Variants in RPL35A observed in about 807,000 individuals in gnomAD.
RPL35A encodes the protein large ribosomal subunit protein eL33.
Under a neutral mutation model 16.7 loss-of-function variants are expected in RPL35A, and 1 was observed. The observed-to-expected ratio is 0.06, with a 90% confidence interval of 0.02 to 0.28. The LOEUF (loss-of-function observed/expected upper bound fraction) is 0.28. RPL35A is among the 10% of genes least tolerant of loss of function. The pLI is 1.00. For synonymous variants in RPL35A, 58 were observed against 47.0 expected (o/e 1.23, Z -0.96); for missense variants, 91 against 138.7 (o/e 0.66, Z 1.73).
chr3:197,952,809 C>A (rs1720221672), intron 3 of RPL35A, among the ~76,000 whole-genome samples: 2 of 151,832 alleles, frequency 1.3e-5, no homozygotes, highest in South Asian at 4.2e-4. Context: ...AGTTTTTATG[C>A]ATGCCTAAAG....
chr3:197,956,250 GC>G lies in RPL35A; in HGVS notation c.*479del, dbSNP rs1720514744. On this transcript the variant is annotated 3_prime_UTR_variant, in exon 5 of 5. Transcript: ENST00000647248. ...GATACAGTTATGAGCCACCACACCTGCCAAGTGCTTTGTGATACTATGCATT... is the reference window on the plus strand; with the variant it reads ...GATACAGTTATGAGCCACCACACCTGCAAGTGCTTTGTGATACTATGCATT... The G allele has an allele frequency of 5.5e-6, 1 of 181,216 alleles. No individual in the cohort carries two copies. Among genetic ancestry groups the G allele is most frequent in the African/African-American group, 2.4e-5 (1 of 42,448 alleles). The allele number at this position is 181,216 out of a possible 1,614,324, so 11.2% of individuals were successfully genotyped here.
At chr3:197,953,172 T>C (rs1233914264) in intron 3 of RPL35A, among the ~76,000 whole-genome samples, 1 of 152,202 alleles carries the variant, frequency 6.6e-6, no homozygotes, top group Non-Finnish European at 1.5e-5. Context: ...TCTGGGAAAG[T>C]GTTTTAATCA....
intron 4 of RPL35A, among the ~76,000 whole-genome samples, chr3:197,954,884 C>G (rs546665426): frequency 6.6e-6 from 1 of 152,146 alleles, no homozygotes; most frequent in Non-Finnish European, 1.5e-5. Flanking sequence ...TCAACAGTTA[C>G]GCCTGGCATA....
intron 4 of RPL35A, chr3:197,954,437 A>G (rs916724214): frequency 1.3e-5 from 6 of 445,122 alleles, no homozygotes; most frequent in Non-Finnish European, 2.5e-5. Context: ...GGGTTCAAGC[A>G]ATCCTTCCAC....
Position 197,956,381 on chromosome 3 carries a change from A to G in RPL35A, c.*608A>G, listed in dbSNP as rs553802279. Reference sequence around the variant, plus strand: ...GGATGAGAAGCTCTTGGGACTTGTGACTGGACAAAGCATTCCAGTATATTA... The same window carrying G: ...GGATGAGAAGCTCTTGGGACTTGTGGCTGGACAAAGCATTCCAGTATATTA... On this transcript the variant is annotated 3_prime_UTR_variant, in exon 5 of 5. Transcript: ENST00000647248. 2.6e-5 allele frequency: 4 copies of G among 154,862 alleles called. No individual in the cohort carries two copies. The highest frequency in any genetic ancestry group is 9.6e-5 in the African/African-American group (4 of 41,542). The allele number at this position is 154,862 out of a possible 1,614,324, so 9.6% of individuals were successfully genotyped here. A position where few individuals can be genotyped will look rare whatever the true frequency, so the allele number is the denominator to read the frequency against.
rs200360699 is a variant in RPL35A at position 197,955,730 on chromosome 3, G to C, written c.310-20G>C. On this transcript the variant is annotated intron_variant, in intron 4 of 4. Coordinates refer to ENST00000647248, the MANE Select transcript of RPL35A (RefSeq NM_000996.4). ...ATATATAACATTCACCTAATGTTTT[G>C]TGTTCTTTTTTCCCTGCAGATGCTG... 8.1e-5 allele frequency: 128 copies of C among 1,589,582 alleles called. No homozygotes were observed. Among genetic ancestry groups the C allele is most frequent in the Non-Finnish European group, 1.0e-4 (119 of 1,159,406 alleles).
At position 197,951,459 on chromosome 3, in the gene RPL35A, T is replaced by C. The variant is rs1720076166; in HGVS notation, c.164+148T>C. The C allele has an allele frequency of 7.1e-6, 6 of 840,174 alleles. No homozygotes were observed. The Admixed American group carries it at 9.8e-5, about 14-fold the overall frequency. 52.0% of individuals were successfully genotyped at this position (840,174 alleles called of 1,614,324 possible). On this transcript the variant is annotated intron_variant, in intron 3 of 4. Coordinates refer to ENST00000647248, the MANE Select transcript of RPL35A (RefSeq NM_000996.4). Reference sequence around the variant, plus strand: ...CCTCCGCCTCCCGGGTTCAAGCAAGTGTCCTGTCTCAGCCTCCCGAGTAGC... The same window carrying C: ...CCTCCGCCTCCCGGGTTCAAGCAAGCGTCCTGTCTCAGCCTCCCGAGTAGC...
chr3:197,952,039 T>C (rs957669669), intron 3 of RPL35A, among the ~76,000 whole-genome samples: 2 of 152,166 alleles, frequency 1.3e-5, no homozygotes, highest in Non-Finnish European at 2.9e-5. Context: ...ATAAAGGAGG[T>C]AATTCCTTAT....
At chr3:197,950,261 A>G in intron 1 of RPL35A, 40 bp downstream of exon 1, 2 of 1,230,304 alleles carry the variant, frequency 1.6e-6, no homozygotes, top group Non-Finnish European at 2.0e-6. Flanking sequence ...GGGGCAAATA[A>G]CCGGAGTAGG....
chr3:197,952,265 G>A (rs965931479), intron 3 of RPL35A, among the ~76,000 whole-genome samples: 3 of 146,370 alleles, frequency 2.0e-5, no homozygotes, highest in Non-Finnish European at 4.5e-5. Flanking sequence ...CGCCTCCCGG[G>A]TTCAAGGGAT....
At chr3:197,951,348 G>A (rs751732621) in intron 3 of RPL35A, 37 bp downstream of exon 3, 4 of 1,606,542 alleles carry the variant, frequency 2.5e-6, no homozygotes, top group Non-Finnish European at 3.4e-6. Context: ...GGGTTTTTGA[G>A]ATCTGCCTCA....
chr3:197,950,450 A>C (rs1719964380), intron 1 of RPL35A: 3 of 570,070 alleles, frequency 5.3e-6, no homozygotes, highest in Non-Finnish European at 7.4e-6. Flanking sequence ...CCTGGGCCTG[A>C]ACGGAGTGAA....
intron 4 of RPL35A, 184 bp downstream of exon 4, chr3:197,954,331 T>G: frequency 1.5e-6 from 1 of 681,380 alleles, no homozygotes; most frequent in Non-Finnish European, 2.5e-6. Flanking sequence ...GGTTGTTTGT[T>G]TTTTGTTTTT....
chr3:197,950,792 A>C (rs925266515), intron 1 of RPL35A, 144 bp from the exon 2 acceptor site: 1 of 691,994 alleles, frequency 1.4e-6, no homozygotes, highest in Non-Finnish European at 2.5e-6. Context: ...TGCGTTTCAT[A>C]TGGATGTTCT....
intron 4 of RPL35A, among the ~76,000 whole-genome samples, chr3:197,954,607 TC>T (rs1220514431): frequency 6.6e-6 from 1 of 152,198 alleles, no homozygotes; most frequent in Non-Finnish European, 1.5e-5. Flanking sequence ...CCTCCAAAGT[TC>T]ATGTGATTCT....
rs577389743 is a variant in RPL35A at position 197,950,245 on chromosome 3, A to T, written c.-33+24A>T. 4.1e-6 allele frequency: 5 copies of T among 1,230,636 alleles called. No homozygotes were observed. In the Admixed American group the frequency reaches 1.3e-4, roughly 31 times the overall value. The allele number at this position is 1,230,636 out of a possible 1,614,324, so 76.2% of individuals were successfully genotyped here. A position where few individuals can be genotyped will look rare whatever the true frequency, so the allele number is the denominator to read the frequency against. ...AGGTGAGTGAAGGGTCTGCTGCTGA[A>T]ATTTGGGGGCAAATAACCGGAGTAG... On this transcript the variant is annotated intron_variant, in intron 1 of 4. Transcript: ENST00000647248.
At chr3:197,952,110 A>G (rs1720143777) in intron 3 of RPL35A, among the ~76,000 whole-genome samples, 2 of 140,404 alleles carry the variant, frequency 1.4e-5, no homozygotes, top group Non-Finnish European at 3.1e-5. Context: ...GAATTTAAGG[A>G]TTTTTAGAAC....
At chr3:197,955,464 A>G (rs910942999) in intron 4 of RPL35A, among the ~76,000 whole-genome samples, 1 of 152,048 alleles carries the variant, frequency 6.6e-6, no homozygotes, top group Non-Finnish European at 1.5e-5. Flanking sequence ...GGGTTTTACC[A>G]TGTTGGCCAG....
intron 3 of RPL35A, chr3:197,953,704 C>G (rs894401631): frequency 4.3e-6 from 2 of 462,224 alleles, no homozygotes; most frequent in Admixed American, 6.6e-5. Flanking sequence ...CACACTTGTC[C>G]TTTTTTGCTA....
Sources: gnomAD v4.1 joint callset for allele counts (sites outside exome capture counted in the v4.1 genomes callset) on GRCh38, gnomAD v4.1.1 for gene constraint, MANE v1.5 for transcripts, NCBI Gene and HGNC (gene_info 2026-07-23, HGNC 2026-07-21) for gene names.